The following CNTN3 variants were observed in gnomAD, a reference collection of about 807,000 sequenced individuals.
CNTN3 encodes contactin-3.
Under a neutral mutation model 119.1 loss-of-function variants are expected in CNTN3, and 60 were observed. That is an observed-to-expected ratio of 0.50 (90% confidence interval 0.41 to 0.62). CNTN3 has a LOEUF of 0.62. Among genes scored for constraint, CNTN3 ranks in the 20% least tolerant of loss-of-function variants. CNTN3 has a pLI of 0.00. For synonymous variants in CNTN3, 450 were observed against 438.7 expected (o/e 1.03, Z -0.32); for missense variants, 1,101 against 1,242.4 (o/e 0.89, Z 1.71).
chr3:74,558,712 T>G (rs1323972519), intron 1 of CNTN3, among the ~76,000 whole-genome samples: 1 of 152,076 alleles, frequency 6.6e-6, no homozygotes. Flanking sequence ...CCAGGTGCAG[T>G]GGTTCACACC....
intron 5 of CNTN3, among the ~76,000 whole-genome samples, chr3:74,423,198 G>A (rs970997362): frequency 6.6e-6 from 1 of 152,170 alleles, no homozygotes; most frequent in East Asian, 1.9e-4. Flanking sequence ...CCTAAATAGA[G>A]TTTGGAATAA....
chr3:74,336,458 T>C, intron 12 of CNTN3, 73 bp downstream of exon 12: 1 of 1,483,082 alleles, frequency 6.7e-7, no homozygotes, highest in Non-Finnish European at 9.3e-7. Flanking sequence ...GTGAAACACA[T>C]AGTTACTTTC....
chr3:74,385,987 C>T (rs1436868659), intron 5 of CNTN3, among the ~76,000 whole-genome samples: 3 of 152,128 alleles, frequency 2.0e-5, no homozygotes, highest in Non-Finnish European at 2.9e-5. Context: ...CACATATTAA[C>T]TTATTTTTTC....
chr3:74,448,283 C>T (rs980778303), intron 4 of CNTN3, among the ~76,000 whole-genome samples: 8 of 152,064 alleles, frequency 5.3e-5, no homozygotes, highest in African/African-American at 1.9e-4. Flanking sequence ...TTTTAACCAA[C>T]AACATAGAGT....
chr3:74,353,742 C>T (rs1015977517), intron 11 of CNTN3, among the ~76,000 whole-genome samples: 1 of 151,398 alleles, frequency 6.6e-6, no homozygotes, highest in Non-Finnish European at 1.5e-5. Context: ...GGGGACAGAG[C>T]GAGACTCCGT....
At position 74,362,011 on chromosome 3, in the gene CNTN3, T is replaced by A. The variant is rs142940157; in HGVS notation, c.1243A>T (p.Met415Leu). 3.1e-6 allele frequency: 5 copies of A among 1,613,474 alleles called. No homozygotes were observed. The highest frequency in any genetic ancestry group is 3.4e-6 in the Non-Finnish European group (4 of 1,179,620). The change falls in exon 11 of 23, where the codon ATG becomes TTG. Residue 415 changes from methionine (M) to leucine (L), a missense_variant. Physicochemically the swap from Met to Leu is conservative, Grantham distance 15 (BLOSUM62 2). Transcript: ENST00000263665. ...ASAPDFSKNPMKKLVQVQVGS... is the reference protein window; with the variant it reads ...ASAPDFSKNPLKKLVQVQVGS... The stretch of plus-strand genomic sequence containing the variant: ...ACCTGCACCTGAACCAACTTCTTCA[T>A]TGGATTCTTTGAAAAATCTGGAGCA...
intron 4 of CNTN3, among the ~76,000 whole-genome samples, chr3:74,440,046 T>C (rs1701935524): frequency 6.6e-6 from 1 of 152,228 alleles, no homozygotes. Context: ...TTAAAATGTA[T>C]ATGACAACAC....
At chr3:74,385,265 T>C (rs1704719857) in intron 5 of CNTN3, among the ~76,000 whole-genome samples, 1 of 152,202 alleles carries the variant, frequency 6.6e-6, no homozygotes, top group Admixed American at 6.5e-5. Flanking sequence ...CCTAGGGTGC[T>C]GGATGACCTT....
At chr3:74,506,099 C>T (rs962777696) in intron 2 of CNTN3, among the ~76,000 whole-genome samples, 1 of 152,146 alleles carries the variant, frequency 6.6e-6, no homozygotes, top group African/African-American at 2.4e-5. Context: ...CCTCTAATTG[C>T]AACCTGCCTA....
intron 12 of CNTN3, among the ~76,000 whole-genome samples, chr3:74,335,794 T>C (rs1027168307): frequency 2.0e-5 from 3 of 152,110 alleles, no homozygotes; most frequent in Non-Finnish European, 4.4e-5. Context: ...TACAAACTGC[T>C]TGCATAATTA....
intron 19 of CNTN3, among the ~76,000 whole-genome samples, chr3:74,288,139 T>TTTTTC (rs1162272825): frequency 4.9e-4 from 73 of 148,170 alleles, no homozygotes; most frequent in African/African-American, 1.6e-3. Flanking sequence ...TTTGACATCT[T>TTTTTC]TTTTCTTTTC....
chr3:74,365,553 C>T lies in CNTN3; in HGVS notation c.1083+13G>A. 1 of 1,613,016 alleles carries T rather than the reference C, an allele frequency of 6.2e-7. No homozygotes were observed. On this transcript the variant is annotated intron_variant, in intron 9 of 22. Coordinates refer to ENST00000263665, the MANE Select transcript of CNTN3 (RefSeq NM_020872.3). The stretch of plus-strand genomic sequence containing the variant: ...CAGGCCTCTAAACCCATTTTAGGTC[C>T]ATGTTACCTTACCTCTAGCACCAGG...
chr3:74,524,198 TA>T (rs1703583232), intron 1 of CNTN3, among the ~76,000 whole-genome samples: 1 of 151,890 alleles, frequency 6.6e-6, no homozygotes, highest in South Asian at 2.1e-4. Flanking sequence ...TTAAAACATA[TA>T]AATGTGTTCC....
At chr3:74,351,047 G>A (rs755286965) in intron 11 of CNTN3, among the ~76,000 whole-genome samples, 1 of 152,146 alleles carries the variant, frequency 6.6e-6, no homozygotes, top group Non-Finnish European at 1.5e-5. Flanking sequence ...ATATGCCCTT[G>A]TAACAAACCT....
intron 1 of CNTN3, among the ~76,000 whole-genome samples, chr3:74,561,443 G>C (rs1436368846): frequency 6.6e-6 from 1 of 152,100 alleles, no homozygotes; most frequent in Non-Finnish European, 1.5e-5. Flanking sequence ...CCAGATCCCA[G>C]TGGCTGCCTT....
chr3:74,458,651 G>A (rs555977195), intron 4 of CNTN3, among the ~76,000 whole-genome samples: 53 of 151,988 alleles, frequency 3.5e-4, no homozygotes, highest in Non-Finnish European at 5.9e-4. Context: ...CAGAACTACA[G>A]AGATGGAGAA....
rs142938243 is a variant in CNTN3, at chr3:74,519,036, T to C, written c.55+2022A>G. Among the ~76,000 whole-genome samples the C allele has an allele frequency of 7.5e-3, 1,134 of 151,972 alleles. 12 individuals are homozygous for C. The highest frequency in any genetic ancestry group is 0.025 in the African/African-American group (1,049 of 41,524). On this transcript the variant is annotated intron_variant, in intron 2 of 22. Transcript: ENST00000263665. Reference sequence around the variant, plus strand: ...GTAATCTAAATTCTCTCATATAGTATGATCTGTAGTCTCAATTATAATAGG... The same window carrying C: ...GTAATCTAAATTCTCTCATATAGTACGATCTGTAGTCTCAATTATAATAGG...
At chr3:74,345,647 T>A (rs538428915) in intron 11 of CNTN3, among the ~76,000 whole-genome samples, 49 of 152,304 alleles carry the variant, frequency 3.2e-4, no homozygotes, top group African/African-American at 1.1e-3. Context: ...ATGAGGAGTA[T>A]AAGTAGTACA....
intron 5 of CNTN3, among the ~76,000 whole-genome samples, chr3:74,374,287 T>TA (rs1035338163): frequency 7.2e-5 from 11 of 152,124 alleles, no homozygotes; most frequent in South Asian, 2.1e-4. Flanking sequence ...TTTCCAGTTT[T>TA]TTTTTTTTAA....
Sources: allele counts gnomAD v4.1 joint callset (sites outside exome capture counted in the v4.1 genomes callset), GRCh38; gene constraint gnomAD v4.1.1; transcripts MANE v1.5; gene names NCBI Gene and HGNC (gene_info 2026-07-23, HGNC 2026-07-21).